Variants in PALM2AKAP2 observed in about 807,000 individuals in gnomAD.
The protein encoded by PALM2AKAP2 is PALM2 and AKAP2 fusion.
PALM2AKAP2 carries 37 observed loss-of-function variants against 71.5 expected under a neutral mutation model. The ratio of observed to expected loss-of-function variants is 0.52; its 90% CI spans 0.40 to 0.68. The LOEUF is 0.68. Ranked by LOEUF, PALM2AKAP2 falls within the 30% of genes least tolerant of loss-of-function variation. The probability of loss-of-function intolerance (pLI) is 0.00; values close to 1 mark genes in which losing one functional copy is unlikely to be tolerated. For synonymous variants in PALM2AKAP2, 468 were observed against 478.8 expected, an observed-to-expected ratio of 0.98 and a Z score of 0.29; for missense variants, 1,224 against 1,191.8, an observed-to-expected ratio of 1.03 and a Z score of -0.40.
rs138084321 is a variant in PALM2AKAP2, at chr9:110,123,077, C to T, written c.157-13050C>T. On this transcript the variant is annotated intron_variant, in intron 1 of 3. Coordinates refer to ENST00000374525, the Ensembl canonical transcript of PALM2AKAP2. Reference sequence around the variant, plus strand: ...CCATAGAGTATTTATCTAACCTCAACCCTATTTTTGCAGCTTGGGTTGAGG... The same window carrying T: ...CCATAGAGTATTTATCTAACCTCAATCCTATTTTTGCAGCTTGGGTTGAGG... Among the ~76,000 whole-genome samples, 298 of 152,294 alleles carry T rather than the reference C, an allele frequency of 2.0e-3. 6 individuals carry two copies. The highest frequency in any genetic ancestry group is 6.4e-3 in the African/African-American group (268 of 41,552).
chr9:109,955,497 A>G (rs1288366456), intron 6 of PALM2AKAP2, among the ~76,000 whole-genome samples: 1 of 152,224 alleles, frequency 6.6e-6, no homozygotes, highest in Non-Finnish European at 1.5e-5. Context: ...TGGAGGCTTC[A>G]TGTTCCTTCT....
At chr9:109,843,994 C>G (rs1828780539) in intron 1 of PALM2AKAP2, among the ~76,000 whole-genome samples, 1 of 152,206 alleles carries the variant, frequency 6.6e-6, no homozygotes, top group African/African-American at 2.4e-5. Context: ...TGGTCCTAGA[C>G]AAAAACAACG....
chr9:110,154,672 T>C (rs1235544831), intron 2 of PALM2AKAP2, among the ~76,000 whole-genome samples: 1 of 152,204 alleles, frequency 6.6e-6, no homozygotes, highest in Admixed American at 6.5e-5. Flanking sequence ...TCAAAAGACT[T>C]TTCAGTTATC....
chr9:110,051,257 A>G (rs532564015), intron 1 of PALM2AKAP2, among the ~76,000 whole-genome samples: 2 of 152,328 alleles, frequency 1.3e-5, no homozygotes, highest in Admixed American at 6.5e-5. Context: ...TAAGTGGCTT[A>G]TTCTGACTCA....
intron 7 of PALM2AKAP2, among the ~76,000 whole-genome samples, chr9:110,035,382 T>A (rs28712144): frequency 7.2e-6 from 1 of 139,494 alleles, no homozygotes; most frequent in African/African-American, 2.9e-5. Context: ...ATACATATAT[T>A]ATATGTATAA....
chr9:109,880,519 A>G (rs1264432613), intron 2 of PALM2AKAP2, 32 bp from the exon 3 acceptor site: 2 of 1,611,136 alleles, frequency 1.2e-6, no homozygotes, highest in Admixed American at 1.7e-5. Flanking sequence ...GAAAAGTATC[A>G]TCTTGTCTGT....
At chr9:110,074,644 C>T (rs1834280058) in intron 1 of PALM2AKAP2, among the ~76,000 whole-genome samples, 1 of 152,174 alleles carries the variant, frequency 6.6e-6, no homozygotes, top group Non-Finnish European at 1.5e-5. Context: ...AAATTATAAA[C>T]ACACACACGC....
intron 6 of PALM2AKAP2, among the ~76,000 whole-genome samples, chr9:109,965,059 C>T (rs555696627): frequency 4.1e-4 from 62 of 152,172 alleles, no homozygotes; most frequent in Non-Finnish European, 7.3e-4. Flanking sequence ...ATACTCATCT[C>T]TTCTAGAAAA....
At chr9:110,006,962 C>T (rs1031750519) in intron 6 of PALM2AKAP2, among the ~76,000 whole-genome samples, 3 of 152,124 alleles carry the variant, frequency 2.0e-5, no homozygotes, top group South Asian at 2.1e-4. Context: ...TGATTCTATT[C>T]CCTTTCCCTT....
intron 4 of PALM2AKAP2, 100 bp from the exon 5 acceptor site, chr9:109,924,961 G>C: frequency 6.4e-7 from 1 of 1,565,254 alleles, no homozygotes; most frequent in Admixed American, 1.7e-5. Flanking sequence ...TTCTGGGCTG[G>C]GGCATGGGAG....
intron 1 of PALM2AKAP2, among the ~76,000 whole-genome samples, chr9:109,821,068 T>C (rs945125201): frequency 6.6e-6 from 1 of 152,208 alleles, no homozygotes. Context: ...TCCAGTCATT[T>C]TGAAAGTGCT....
intron 1 of PALM2AKAP2, among the ~76,000 whole-genome samples, chr9:109,746,111 C>T (rs1828796704): frequency 6.6e-6 from 1 of 152,118 alleles, no homozygotes; most frequent in East Asian, 1.9e-4. Flanking sequence ...ACGACTTGCT[C>T]GGGCCTTGCC....
intron 6 of PALM2AKAP2, among the ~76,000 whole-genome samples, chr9:109,941,594 G>A (rs1025236882): frequency 6.6e-6 from 1 of 152,222 alleles, no homozygotes. Flanking sequence ...TGAGTTTGAT[G>A]GGTTCGTGGC....
intron 1 of PALM2AKAP2, among the ~76,000 whole-genome samples, chr9:110,060,799 G>T (rs556933086): frequency 1.3e-5 from 2 of 151,522 alleles, no homozygotes; most frequent in Non-Finnish European, 2.9e-5. Flanking sequence ...ACGGGATTTC[G>T]CCATGTTGGC....
chr9:109,998,157 G>A (rs1832609798), intron 6 of PALM2AKAP2, among the ~76,000 whole-genome samples: 1 of 152,162 alleles, frequency 6.6e-6, no homozygotes, highest in Non-Finnish European at 1.5e-5. Flanking sequence ...TCCCCAGTGG[G>A]CCAATCTTTT....
chr9:110,120,706 T>C (rs1835467195), intron 1 of PALM2AKAP2, among the ~76,000 whole-genome samples: 1 of 152,244 alleles, frequency 6.6e-6, no homozygotes, highest in Non-Finnish European at 1.5e-5. Flanking sequence ...GGTTTCACCA[T>C]GTTGGCCAGG....
intron 1 of PALM2AKAP2, among the ~76,000 whole-genome samples, chr9:109,744,235 A>G (rs1828763885): frequency 6.6e-6 from 1 of 152,214 alleles, no homozygotes. Flanking sequence ...TTAGATGTGG[A>G]GGGCAGAGAA....
intron 2 of PALM2AKAP2, among the ~76,000 whole-genome samples, chr9:110,141,292 G>T (rs1223644060): frequency 6.6e-6 from 1 of 150,916 alleles, no homozygotes; most frequent in Non-Finnish European, 1.5e-5. Context: ...CACCCCCATA[G>T]GATTGATTTC....
intron 1 of PALM2AKAP2, among the ~76,000 whole-genome samples, chr9:109,723,708 T>A (rs551959652): frequency 6.6e-6 from 1 of 152,214 alleles, no homozygotes; most frequent in African/African-American, 2.4e-5. Flanking sequence ...TAATTCAGTA[T>A]GGCTGAAGTA....
Sources: gnomAD v4.1 joint callset for allele counts (sites outside exome capture counted in the v4.1 genomes callset) on GRCh38, gnomAD v4.1.1 for gene constraint, MANE v1.5 for transcripts, NCBI Gene and HGNC (gene_info 2026-07-23, HGNC 2026-07-21) for gene names.